The following SHOC1 variants were observed in gnomAD, a reference collection of about 807,000 sequenced individuals.
SHOC1 encodes the protein shortage in chiasmata 1.
In SHOC1, 136 loss-of-function variants were observed where a neutral mutation model predicts 179.2. The ratio of observed to expected loss-of-function variants is 0.76; its 90% CI spans 0.66 to 0.87. The LOEUF (loss-of-function observed/expected upper bound fraction) is 0.87. Among genes scored for constraint, SHOC1 ranks in the 40% least tolerant of loss-of-function variants. The pLI is 0.00. For missense variants in SHOC1, 1,538 were observed against 1,700.8 expected (o/e 0.90, Z 1.68); for synonymous variants, 489 against 586.6 (o/e 0.83, Z 2.41).
intron 5 of SHOC1, among the ~76,000 whole-genome samples, chr9:111,770,703 A>G (rs1835568011): frequency 6.6e-6 from 1 of 152,108 alleles, no homozygotes; most frequent in Non-Finnish European, 1.5e-5. Flanking sequence ...TTATATACCT[A>G]GGAGTTCTGG....
chr9:111,743,566 G>C (rs1242024510), intron 10 of SHOC1, among the ~76,000 whole-genome samples: 1 of 152,142 alleles, frequency 6.6e-6, no homozygotes, highest in Non-Finnish European at 1.5e-5. Flanking sequence ...CAGTGCTTGT[G>C]TTCAAGTAAC....
At chr9:111,708,117 G>A (rs953447614) in intron 18 of SHOC1, among the ~76,000 whole-genome samples, 193 bp from the exon 19 acceptor site, 17 of 151,888 alleles carry the variant, frequency 1.1e-4, no homozygotes, top group Middle Eastern at 3.4e-3. Flanking sequence ...TTTCTCTTGC[G>A]TGTATATATA....
intron 12 of SHOC1, among the ~76,000 whole-genome samples, chr9:111,732,658 C>A (rs1490735923): frequency 6.6e-6 from 1 of 152,120 alleles, no homozygotes; most frequent in East Asian, 1.9e-4. Context: ...CACAAACAAA[C>A]TTATACTATT....
chr9:111,763,139 A>T (rs1835208503), intron 5 of SHOC1, among the ~76,000 whole-genome samples: 1 of 151,852 alleles, frequency 6.6e-6, no homozygotes, highest in Admixed American at 6.6e-5. Flanking sequence ...AAAAATATAT[A>T]AAAAATAAAT....
At chr9:111,775,692 TA>T (rs1835801867) in intron 5 of SHOC1, 98 bp downstream of exon 5, 9 of 994,658 alleles carry the variant, frequency 9.0e-6, no homozygotes, top group South Asian at 4.0e-5. Flanking sequence ...GGATCTTTAA[TA>T]AAAAATTTTT....
In SHOC1 at chr9:111,758,837, C is replaced by A; in HGVS notation, c.454G>T (p.Asp152Tyr). ...LQNQNQDLFI[D>Y]DKGILFVSSR... is the part of the protein sequence containing the mutation. ...CTTACAAAAAGTATTCCTTTATCATCAATAAATAAATCTGAAAAGAAATAA... is the reference window on the plus strand; with the variant it reads ...CTTACAAAAAGTATTCCTTTATCATAAATAAATAAATCTGAAAAGAAATAA... The change falls in exon 6 of 28, where the codon GAT becomes TAT. Residue 152 changes from aspartate to tyrosine, a missense_variant. Physicochemically the swap from Asp to Tyr is radical, Grantham distance 160 (BLOSUM62 -3). Coordinates refer to ENST00000682961, the MANE Select transcript of SHOC1 (RefSeq NM_001378211.1). 1.3e-6 allele frequency: 2 copies of A among 1,493,102 alleles called. No individual in the cohort carries two copies. The highest frequency in any genetic ancestry group is 2.3e-5 in the East Asian group (1 of 43,016). The allele number at this position is 1,493,102 out of a possible 1,614,324, so 92.5% of individuals were successfully genotyped here.
At chr9:111,721,484 T>C (rs1156503378) in intron 15 of SHOC1, among the ~76,000 whole-genome samples, 1 of 152,102 alleles carries the variant, frequency 6.6e-6, no homozygotes, top group Non-Finnish European at 1.5e-5. Context: ...GGATTACAGG[T>C]GCCCGCCACC....
chr9:111,785,784 G>C, intron 3 of SHOC1, 128 bp downstream of exon 3: 1 of 693,162 alleles, frequency 1.4e-6, no homozygotes, highest in Non-Finnish European at 2.1e-6. Flanking sequence ...TTAACTTCTT[G>C]GAATTCTGAC....
intron 12 of SHOC1, among the ~76,000 whole-genome samples, chr9:111,734,128 A>G (rs1833713242): frequency 6.6e-6 from 1 of 152,192 alleles, no homozygotes; most frequent in Non-Finnish European, 1.5e-5. Context: ...ATATTTAATT[A>G]TACTGTTAAA....
intron 5 of SHOC1, among the ~76,000 whole-genome samples, chr9:111,765,391 AG>A (rs1425418679): frequency 2.0e-5 from 3 of 152,090 alleles, no homozygotes; most frequent in Non-Finnish European, 4.4e-5. Context: ...TGAGCCCAGG[AG>A]CTCGTGACCA....
intron 7 of SHOC1, 127 bp from the exon 8 acceptor site, chr9:111,756,605 T>G: frequency 2.6e-6 from 2 of 756,166 alleles, no homozygotes; most frequent in Non-Finnish European, 4.2e-6. Context: ...TTCAAAATTG[T>G]TAAAGCTATA....
At chr9:111,704,552 C>A (rs973791141) in intron 21 of SHOC1, among the ~76,000 whole-genome samples, 1 of 152,038 alleles carries the variant, frequency 6.6e-6, no homozygotes, top group African/African-American at 2.4e-5. Flanking sequence ...CCTTAACTAC[C>A]TTTTATAAGC....
chr9:111,723,783 A>G lies in SHOC1; in HGVS notation c.1954+9T>C, dbSNP rs1428216387. On this transcript the variant is annotated intron_variant, in intron 14 of 27. Transcript: ENST00000682961. ...AATCTGAAATGCATTTTAAAAGCAT[A>G]TAACATACCTGACGCTTGAATTTCA... The G allele has an allele frequency of 3.7e-6, 6 of 1,609,828 alleles. No homozygotes were observed. The East Asian group carries it at 8.9e-5, about 24-fold the overall frequency.
Position 111,691,701 on chromosome 9 carries a change from G to A in SHOC1, c.4276C>T (p.Pro1426Ser), listed in dbSNP as rs746285747. 1.5e-5 allele frequency: 24 copies of A among 1,613,732 alleles called. No homozygotes were observed. In the East Asian group the frequency reaches 3.6e-4, roughly 24 times the overall value. ...GAAGCACGAAATAAATCCAAACTGG[G>A]GACAGATGGTAATTCTCTCCAGAAA... ...ETFWRELPSVPSLDLFRASDS... is the reference protein window; with the variant it reads ...ETFWRELPSVSSLDLFRASDS... Residue 1426 changes from proline to serine, a missense_variant, in exon 27 of 28, where the codon CCC (proline) becomes TCC (serine). By Grantham distance (74) the Pro-to-Ser change is moderately conservative. Transcript: ENST00000682961.
chr9:111,735,370 T>C (rs1833770374), intron 12 of SHOC1, among the ~76,000 whole-genome samples: 1 of 152,152 alleles, frequency 6.6e-6, no homozygotes. Flanking sequence ...GTGTGTGATG[T>C]TCCCCTCCCT....
At chr9:111,744,717 C>G (rs952883320) in intron 10 of SHOC1, among the ~76,000 whole-genome samples, 4 of 152,136 alleles carry the variant, frequency 2.6e-5, no homozygotes, top group African/African-American at 9.7e-5. Context: ...ACATTAAGTT[C>G]TAGGTTTACA....
chr9:111,746,986 A>T (rs146377391), intron 9 of SHOC1, among the ~76,000 whole-genome samples: 7 of 152,244 alleles, frequency 4.6e-5, no homozygotes, highest in Non-Finnish European at 8.8e-5. Context: ...CTTAGGCAAT[A>T]GAATTATTTT....
chr9:111,794,220 C>T (rs1212844011), intron 1 of SHOC1, among the ~76,000 whole-genome samples: 3 of 151,612 alleles, frequency 2.0e-5, no homozygotes, highest in Non-Finnish European at 4.4e-5. Context: ...CCTCTCCCCA[C>T]CAGCCTAAGG....
In SHOC1 at chr9:111,753,271, TA is replaced by T. The variant is rs530403024; in HGVS notation, c.862+3053del. Among the ~76,000 whole-genome samples, 17 of 152,298 alleles carry T rather than the reference TA, an allele frequency of 1.1e-4. No individual in the cohort carries two copies. In the South Asian group the frequency reaches 3.5e-3, roughly 32 times the overall value. Reference sequence around the variant, plus strand: ...TCAACATCAATTACTTAGCTCCTCCTAAAAATAGAAGTAAAGTTAATGATGC... The same window carrying T: ...TCAACATCAATTACTTAGCTCCTCCTAAAATAGAAGTAAAGTTAATGATGC... On this transcript the variant is annotated intron_variant, in intron 8 of 27. Coordinates refer to ENST00000682961, the MANE Select transcript of SHOC1 (RefSeq NM_001378211.1).
Sources: allele counts gnomAD v4.1 joint callset (sites outside exome capture counted in the v4.1 genomes callset), GRCh38; gene constraint gnomAD v4.1.1; transcripts MANE v1.5; gene names NCBI Gene and HGNC (gene_info 2026-07-23, HGNC 2026-07-21).